The following DNAJC15 variants were observed in gnomAD, a reference collection of about 807,000 sequenced individuals.
The protein encoded by DNAJC15 is DnaJ heat shock protein family (Hsp40) member C15.
DNAJC15 carries 27 observed loss-of-function variants against 22.4 expected under a neutral mutation model. The observed-to-expected ratio is 1.20, with a 90% confidence interval of 0.89 to 1.66. The LOEUF is 1.66. DNAJC15 is among the 40% of genes most tolerant of loss of function. DNAJC15 has a pLI of 0.00. For missense variants in DNAJC15, 208 were observed against 187.1 expected (o/e 1.11, Z -0.65); for synonymous variants, 79 against 63.2 (o/e 1.25, Z -1.19).
intron 1 of DNAJC15, 92 bp downstream of exon 1, chr13:43,023,826 T>TC (rs1318977099): frequency 6.8e-5 from 80 of 1,169,920 alleles, no homozygotes; most frequent in Non-Finnish European, 8.7e-5. Flanking sequence ...ACCTTTGTAC[T>TC]CCCCCGCATT....
chr13:43,032,851 G>A (rs1213252154), intron 1 of DNAJC15, among the ~76,000 whole-genome samples: 2 of 152,020 alleles, frequency 1.3e-5, no homozygotes, highest in Non-Finnish European at 2.9e-5. Flanking sequence ...AGTAAGTACT[G>A]TTAGCTTATA....
At chr13:43,075,940 C>T (rs748400299) in intron 3 of DNAJC15, among the ~76,000 whole-genome samples, 15 of 152,288 alleles carry the variant, frequency 9.8e-5, no homozygotes, top group South Asian at 2.1e-4. Flanking sequence ...GGATTACAGG[C>T]GTGAGGCACC....
intron 1 of DNAJC15, among the ~76,000 whole-genome samples, chr13:43,061,713 G>A (rs1369693180): frequency 1.3e-5 from 2 of 152,230 alleles, no homozygotes; most frequent in African/African-American, 2.4e-5. Flanking sequence ...TATTCAGAGC[G>A]AGAACTCACT....
intron 3 of DNAJC15, among the ~76,000 whole-genome samples, chr13:43,077,510 A>T (rs1044878705): frequency 3.9e-5 from 6 of 152,182 alleles, no homozygotes; most frequent in African/African-American, 1.2e-4. Context: ...GACATTACCC[A>T]GGAAGTGAGC....
chr13:43,074,710 T>C (rs1327506931), intron 3 of DNAJC15, among the ~76,000 whole-genome samples: 2 of 152,210 alleles, frequency 1.3e-5, no homozygotes, highest in African/African-American at 2.4e-5. Context: ...ATTAAAATAC[T>C]GTGATAACAG....
At chr13:43,036,269 A>G (rs927849233) in intron 1 of DNAJC15, among the ~76,000 whole-genome samples, 2 of 150,188 alleles carry the variant, frequency 1.3e-5, no homozygotes, top group Admixed American at 1.3e-4. Context: ...AGGCTCAAGC[A>G]GTCCTCCGAC....
At chr13:43,100,343 G>C (rs2040761576) in intron 5 of DNAJC15, among the ~76,000 whole-genome samples, 1 of 151,834 alleles carries the variant, frequency 6.6e-6, no homozygotes, top group African/African-American at 2.4e-5. Context: ...GAGTAGCTGG[G>C]ACTATAGGCA....
At chr13:43,069,656 C>T (rs1482906439) in intron 3 of DNAJC15, among the ~76,000 whole-genome samples, 1 of 152,200 alleles carries the variant, frequency 6.6e-6, no homozygotes. Flanking sequence ...TGAGGCCCTG[C>T]AGCGTAAACA....
intron 5 of DNAJC15, among the ~76,000 whole-genome samples, chr13:43,104,605 A>G (rs1325399937): frequency 6.6e-6 from 1 of 152,124 alleles, no homozygotes; most frequent in African/African-American, 2.4e-5. Flanking sequence ...GAGTGTTCTA[A>G]TTAAATGGAA....
chr13:43,034,523 G>T (rs1476005501), intron 1 of DNAJC15, among the ~76,000 whole-genome samples: 2 of 151,718 alleles, frequency 1.3e-5, no homozygotes, highest in Non-Finnish European at 2.9e-5. Flanking sequence ...CCCCGTGTTA[G>T]CCAGGATGGT....
chr13:43,063,389 G>A (rs2762170), intron 1 of DNAJC15, among the ~76,000 whole-genome samples: 84,239 of 152,032 alleles, frequency 0.55, 23,645 homozygotes, highest in African/African-American at 0.66. Context: ...TCTTTTACGT[G>A]TATTCTTATA....
chr13:43,064,163 G>T (rs1351694317), intron 1 of DNAJC15, among the ~76,000 whole-genome samples: 2 of 152,188 alleles, frequency 1.3e-5, no homozygotes, highest in Admixed American at 1.3e-4. Flanking sequence ...AACTGGAACT[G>T]ATGAGGGGAG....
intron 5 of DNAJC15, among the ~76,000 whole-genome samples, chr13:43,105,628 AT>A (rs200391436): frequency 6.6e-6 from 1 of 152,120 alleles, no homozygotes; most frequent in Non-Finnish European, 1.5e-5. Flanking sequence ...TGTGCCTTTG[AT>A]TTTTTCCAAC....
At chr13:43,044,308 T>A (rs924947451) in intron 1 of DNAJC15, among the ~76,000 whole-genome samples, 1 of 152,234 alleles carries the variant, frequency 6.6e-6, no homozygotes, top group Non-Finnish European at 1.5e-5. Context: ...TCCAAACATC[T>A]GGCTCATTCT....
intron 1 of DNAJC15, among the ~76,000 whole-genome samples, chr13:43,031,418 G>A (rs542972586): frequency 6.6e-6 from 1 of 152,240 alleles, no homozygotes; most frequent in African/African-American, 2.4e-5. Context: ...GCCCAGAGCA[G>A]TGTTTAAGAA....
intron 1 of DNAJC15, among the ~76,000 whole-genome samples, chr13:43,031,271 G>C (rs1368844164): frequency 1.3e-5 from 2 of 152,202 alleles, no homozygotes; most frequent in Admixed American, 6.5e-5. Context: ...TATCAAGGAA[G>C]AAAAATAGGG....
At chr13:43,077,005 A>T (rs953886325) in intron 3 of DNAJC15, among the ~76,000 whole-genome samples, 2 of 152,184 alleles carry the variant, frequency 1.3e-5, no homozygotes, top group Admixed American at 6.5e-5. Context: ...AAAGTGTTGC[A>T]GTCTTTAGGG....
chr13:43,046,431 G>C (rs1045827088), intron 1 of DNAJC15, among the ~76,000 whole-genome samples: 1 of 151,824 alleles, frequency 6.6e-6, no homozygotes, highest in African/African-American at 2.4e-5. Flanking sequence ...TTCCTAGGCC[G>C]ACTAAGAATT....
At position 43,045,892 on chromosome 13, in the gene DNAJC15, TTGTC is replaced by T. The variant is rs548808101; in HGVS notation, c.109-19788_109-19785del. Among the ~76,000 whole-genome samples the T allele has an allele frequency of 1.5e-3, 234 of 152,332 alleles. 1 individual carries two copies. The highest frequency in any genetic ancestry group is 2.7e-3 in the Non-Finnish European group (181 of 68,032). On this transcript the variant is annotated intron_variant, in intron 1 of 5. Coordinates refer to ENST00000379221, the MANE Select transcript of DNAJC15 (RefSeq NM_013238.3). Reference sequence around the variant, plus strand: ...ATATTTTTCCTGTTAAAATTGTTTGTTGTCTGTCTCTCTTGCTAAAATGTACCTT... The same window carrying T: ...ATATTTTTCCTGTTAAAATTGTTTGTTGTCTCTCTTGCTAAAATGTACCTT...
Sources: gnomAD v4.1 joint callset for allele counts (sites outside exome capture counted in the v4.1 genomes callset) on GRCh38, gnomAD v4.1.1 for gene constraint, MANE v1.5 for transcripts, NCBI Gene and HGNC (gene_info 2026-07-23, HGNC 2026-07-21) for gene names.